EYS: variants seen among roughly 807,000 people sequenced by gnomAD.
EYS encodes the protein EGF-like photoreceptor maintenance factor.
A neutral mutation model predicts 282.1 loss-of-function variants in EYS; 250 were observed. The ratio of observed to expected loss-of-function variants is 0.89; its 90% CI spans 0.80 to 0.98. The LOEUF (loss-of-function observed/expected upper bound fraction) is 0.98, where lower values mean the gene tolerates loss of function less well. Among genes scored for constraint, EYS ranks in the 50% least tolerant of loss-of-function variants. The probability of loss-of-function intolerance (pLI) is 0.00; values close to 1 mark genes in which losing one functional copy is unlikely to be tolerated. For synonymous variants in EYS, 1,355 were observed against 1,282.9 expected, an observed-to-expected ratio of 1.06 and a Z score of -1.20; for missense variants, 4,016 against 3,709.0, an observed-to-expected ratio of 1.08 and a Z score of -2.15.
At chr6:65,055,159 A>G (rs78613394) in intron 13 of EYS, among the ~76,000 whole-genome samples, 5,712 of 151,772 alleles carry the variant, frequency 0.038, 142 homozygotes, top group Middle Eastern at 0.13. Flanking sequence ...TTTCCTTTCT[A>G]TTTCTTAGAG....
chr6:65,257,136 ATTTG>A (rs1767490907), intron 12 of EYS, among the ~76,000 whole-genome samples: 2 of 64,388 alleles, frequency 3.1e-5, no homozygotes, highest in Middle Eastern at 5.4e-3. Context: ...TTTCTTGTAA[ATTTG>A]TTTGAGTTCA....
chr6:65,338,448 C>CA (rs1770074621), intron 10 of EYS, among the ~76,000 whole-genome samples: 2 of 150,998 alleles, frequency 1.3e-5, no homozygotes, highest in Non-Finnish European at 3.0e-5. Flanking sequence ...AAATTTTATA[C>CA]AAAAAATTCT....
At chr6:65,409,170 T>C (rs1345654189) in intron 5 of EYS, among the ~76,000 whole-genome samples, 1 of 152,194 alleles carries the variant, frequency 6.6e-6, no homozygotes, top group South Asian at 2.1e-4. Context: ...ACAGTGAGGT[T>C]TGGCACTTGA....
chr6:64,016,643 T>G (rs1768907157), intron 33 of EYS, among the ~76,000 whole-genome samples: 2 of 151,978 alleles, frequency 1.3e-5, no homozygotes, highest in Non-Finnish European at 2.9e-5. Flanking sequence ...GCCTGGCTAA[T>G]TTTTGTATTT....
At chr6:65,039,971 T>G (rs544879364) in intron 13 of EYS, among the ~76,000 whole-genome samples, 1 of 151,826 alleles carries the variant, frequency 6.6e-6, no homozygotes, top group East Asian at 1.9e-4. Flanking sequence ...CTTGCAGAAG[T>G]GTTACTTTGC....
intron 5 of EYS, among the ~76,000 whole-genome samples, chr6:65,422,164 A>G (rs1767490721): frequency 1.3e-5 from 2 of 151,922 alleles, no homozygotes; most frequent in African/African-American, 4.8e-5. Context: ...CTTATAGCAT[A>G]TTTAACTTTG....
intron 8 of EYS, among the ~76,000 whole-genome samples, chr6:65,376,639 G>C (rs141879958): frequency 7.2e-5 from 11 of 152,034 alleles, no homozygotes; most frequent in African/African-American, 2.2e-4. Flanking sequence ...CATCTCATAC[G>C]CAAAGACATG....
At chr6:63,949,120 A>G (rs911370943) in intron 35 of EYS, among the ~76,000 whole-genome samples, 3 of 152,224 alleles carry the variant, frequency 2.0e-5, no homozygotes, top group African/African-American at 7.2e-5. Context: ...ACACAAAATT[A>G]AAGACTCATC....
chr6:64,838,273 C>A (rs2150032955), intron 19 of EYS, among the ~76,000 whole-genome samples: 1 of 151,828 alleles, frequency 6.6e-6, no homozygotes, highest in East Asian at 1.9e-4. Context: ...AACTGATGAG[C>A]CTAAAGATTG....
At chr6:63,968,467 C>T (rs1309128513) in intron 35 of EYS, among the ~76,000 whole-genome samples, 2 of 151,538 alleles carry the variant, frequency 1.3e-5, no homozygotes, top group African/African-American at 4.9e-5. Context: ...TTTTCTTACT[C>T]CAAAAAGTGA....
At chr6:64,329,126 G>A (rs760501000) in intron 29 of EYS, among the ~76,000 whole-genome samples, 1 of 152,108 alleles carries the variant, frequency 6.6e-6, no homozygotes, top group South Asian at 2.1e-4. Flanking sequence ...TCTCAATGGA[G>A]GTAGGAGGCT....
intron 32 of EYS, among the ~76,000 whole-genome samples, chr6:64,075,065 G>C (rs1771719452): frequency 6.6e-6 from 1 of 151,882 alleles, no homozygotes; most frequent in South Asian, 2.1e-4. Flanking sequence ...GATAAAGACT[G>C]TTTGGTTATC....
At chr6:64,584,134 C>T (rs989479756) in intron 26 of EYS, among the ~76,000 whole-genome samples, 1 of 151,638 alleles carries the variant, frequency 6.6e-6, no homozygotes, top group African/African-American at 2.4e-5. Context: ...CTCAATAAAA[C>T]ACATATTTGC....
intron 12 of EYS, among the ~76,000 whole-genome samples, chr6:65,077,951 C>A (rs1774105192): frequency 6.6e-6 from 1 of 152,044 alleles, no homozygotes; most frequent in South Asian, 2.1e-4. Context: ...ATTAAACAAG[C>A]AATGCTTAAT....
chr6:65,378,098 C>T (rs1253096624), intron 8 of EYS, among the ~76,000 whole-genome samples: 1 of 152,094 alleles, frequency 6.6e-6, no homozygotes, highest in African/African-American at 2.4e-5. Flanking sequence ...GAACAGGCAA[C>T]CTGCAGAATG....
chr6:64,581,343 A>G (rs1037464842), intron 26 of EYS, among the ~76,000 whole-genome samples: 4 of 152,136 alleles, frequency 2.6e-5, no homozygotes, highest in Non-Finnish European at 5.9e-5. Context: ...CGAGCTACAT[A>G]CAAAATGTTC....
chr6:65,207,571 A>G (rs1459197039), intron 12 of EYS, among the ~76,000 whole-genome samples: 3 of 151,826 alleles, frequency 2.0e-5, no homozygotes, highest in African/African-American at 7.2e-5. Flanking sequence ...AATAGCAAAA[A>G]CAATCCTAAA....
At chr6:64,270,444 G>A (rs997488141) in intron 30 of EYS, among the ~76,000 whole-genome samples, 4 of 152,040 alleles carry the variant, frequency 2.6e-5, no homozygotes, top group Admixed American at 2.0e-4. Flanking sequence ...TTGGGGTATT[G>A]AGAGGTGAAC....
chr6:65,351,756 C>A (rs771225369), intron 9 of EYS, among the ~76,000 whole-genome samples: 7 of 151,778 alleles, frequency 4.6e-5, no homozygotes, highest in African/African-American at 7.2e-5. Context: ...TCTCAATCTG[C>A]ACACTGAAAG....
Sources: gnomAD v4.1 joint callset for allele counts (sites outside exome capture counted in the v4.1 genomes callset) on GRCh38, gnomAD v4.1.1 for gene constraint, MANE v1.5 for transcripts, NCBI Gene and HGNC (gene_info 2026-07-23, HGNC 2026-07-21) for gene names.